Variants in NAALADL2 observed in about 807,000 individuals in gnomAD.
The protein encoded by NAALADL2 is inactive N-acetylated-alpha-linked acidic dipeptidase-like protein 2.
In NAALADL2, 76 loss-of-function variants were observed where a neutral mutation model predicts 87.2. The observed-to-expected ratio is 0.87, with a 90% CI of 0.72 to 1.05. The LOEUF (loss-of-function observed/expected upper bound fraction) is 1.05, where lower values mean the gene tolerates loss of function less well. Ranked by LOEUF, NAALADL2 falls within the 50% of genes least tolerant of loss-of-function variation. The probability of loss-of-function intolerance (pLI) is 0.00; values close to 1 mark genes in which losing one functional copy is unlikely to be tolerated. For synonymous variants in NAALADL2, 354 were observed against 331.0 expected (o/e 1.07, Z -0.75); for missense variants, 1,089 against 945.8 (o/e 1.15, Z -1.99).
chr3:174,501,034 A>AATTTT (rs112957244), intron 1 of NAALADL2, among the ~76,000 whole-genome samples: 96,537 of 143,826 alleles, frequency 0.67, 32,528 homozygotes, highest in East Asian at 0.89. Flanking sequence ...TATTGGATAA[A>AATTTT]ATTTTAATTT....
At chr3:174,803,530 A>G (rs762065013) in intron 3 of NAALADL2, among the ~76,000 whole-genome samples, 21 of 152,156 alleles carry the variant, frequency 1.4e-4, no homozygotes, top group Non-Finnish European at 1.3e-4. Flanking sequence ...TGTTTTAGTC[A>G]TGAAGTCTTT....
intron 2 of NAALADL2, among the ~76,000 whole-genome samples, chr3:175,210,760 G>T (rs895417926): frequency 6.6e-6 from 1 of 151,480 alleles, no homozygotes; most frequent in African/African-American, 2.4e-5. Flanking sequence ...GTAAAAAAAA[G>T]CATGGTTCCT....
chr3:175,236,389 A>T (rs1400041123), intron 3 of NAALADL2, among the ~76,000 whole-genome samples: 2 of 151,860 alleles, frequency 1.3e-5, no homozygotes, highest in African/African-American at 2.4e-5. Flanking sequence ...CTACTAAAAA[A>T]ATACAAAAAA....
intron 2 of NAALADL2, among the ~76,000 whole-genome samples, chr3:175,191,020 C>A (rs372403087): frequency 2.5e-4 from 38 of 149,344 alleles, no homozygotes; most frequent in Middle Eastern, 3.6e-3. Flanking sequence ...GTAACCAATA[C>A]GTAGAATGAA....
intron 2 of NAALADL2, among the ~76,000 whole-genome samples, chr3:175,202,504 C>A (rs1336041178): frequency 6.6e-6 from 1 of 152,100 alleles, no homozygotes; most frequent in Non-Finnish European, 1.5e-5. Context: ...AATAACTTTC[C>A]CACTGATCCA....
chr3:175,116,516 C>A (rs1389614747), intron 2 of NAALADL2, among the ~76,000 whole-genome samples: 1 of 151,948 alleles, frequency 6.6e-6, no homozygotes, highest in Non-Finnish European at 1.5e-5. Flanking sequence ...CCTAGGAATC[C>A]AACTTACAAG....
intron 9 of NAALADL2, among the ~76,000 whole-genome samples, chr3:175,488,090 T>G (rs533445832): frequency 1.4e-3 from 209 of 152,316 alleles, no homozygotes; most frequent in Non-Finnish European, 2.4e-3. Flanking sequence ...AGCTGAGATA[T>G]TCTCTTGTCA....
At chr3:174,515,042 A>T (rs1023110605) in intron 1 of NAALADL2, among the ~76,000 whole-genome samples, 1 of 152,172 alleles carries the variant, frequency 6.6e-6, no homozygotes, top group Admixed American at 6.5e-5. Context: ...ATATTTCAGA[A>T]ACGAAACAAA....
chr3:175,369,223 G>A (rs1766114932), intron 5 of NAALADL2, among the ~76,000 whole-genome samples: 1 of 152,046 alleles, frequency 6.6e-6, no homozygotes, highest in Admixed American at 6.5e-5. Context: ...GTATATATAT[G>A]TAGCAAGTAT....
chr3:174,915,580 T>C (rs116769433), intron 1 of NAALADL2, among the ~76,000 whole-genome samples: 1 of 152,078 alleles, frequency 6.6e-6, no homozygotes. Context: ...AATGTTATAT[T>C]CAGATTTATT....
At chr3:175,298,019 G>A (rs549180639) in intron 4 of NAALADL2, among the ~76,000 whole-genome samples, 7 of 152,026 alleles carry the variant, frequency 4.6e-5, no homozygotes, top group Non-Finnish European at 8.8e-5. Flanking sequence ...AACAATGCTT[G>A]GCATATAGGG....
intron 1 of NAALADL2, among the ~76,000 whole-genome samples, chr3:174,537,954 G>A (rs1177744211): frequency 6.6e-6 from 1 of 152,092 alleles, no homozygotes; most frequent in East Asian, 1.9e-4. Flanking sequence ...AGAGCTTTGT[G>A]AGCAAGAACC....
rs1413505412 is a variant in NAALADL2 at position 175,785,650 on chromosome 3, C to G, written c.2190-17355C>G. Among the ~76,000 whole-genome samples, 4 of 133,042 alleles carry G rather than the reference C, an allele frequency of 3.0e-5. No homozygotes were observed. In the Admixed American group the frequency reaches 3.1e-4, roughly 10 times the overall value. 87.3% of individuals were successfully genotyped at this position (133,042 alleles called of 152,430 possible). Reference sequence around the variant, plus strand: ...TACAGCACACTGATGGGTCTTGACTCTTTATCCAATTTGCCAGTCTGTGTC... The same window carrying G: ...TACAGCACACTGATGGGTCTTGACTGTTTATCCAATTTGCCAGTCTGTGTC... On this transcript the variant is annotated intron_variant, in intron 13 of 13. Transcript: ENST00000454872.
At chr3:175,629,602 A>G (rs1727483662) in intron 11 of NAALADL2, among the ~76,000 whole-genome samples, 1 of 151,688 alleles carries the variant, frequency 6.6e-6, no homozygotes, top group South Asian at 2.1e-4. Flanking sequence ...ACGAGAACAT[A>G]GAATGAAATG....
chr3:174,833,352 CT>C (rs1237638340), intron 3 of NAALADL2, among the ~76,000 whole-genome samples: 1 of 152,026 alleles, frequency 6.6e-6, no homozygotes, highest in African/African-American at 2.4e-5. Flanking sequence ...TCAATACTGA[CT>C]CATAAAGAGA....
chr3:174,910,861 G>A (rs1579481758), intron 1 of NAALADL2, among the ~76,000 whole-genome samples: 1 of 152,102 alleles, frequency 6.6e-6, no homozygotes, highest in African/African-American at 2.4e-5. Context: ...GCTATCCCAT[G>A]ACTATTGCCT....
At chr3:175,189,065 G>C (rs2109040589) in intron 2 of NAALADL2, among the ~76,000 whole-genome samples, 1 of 152,246 alleles carries the variant, frequency 6.6e-6, no homozygotes, top group South Asian at 2.1e-4. Flanking sequence ...CTTGGAGAGT[G>C]AATCTTCATC....
intron 5 of NAALADL2, among the ~76,000 whole-genome samples, chr3:175,337,886 C>A (rs979686280): frequency 1.3e-5 from 2 of 152,094 alleles, no homozygotes; most frequent in Non-Finnish European, 2.9e-5. Flanking sequence ...TGTAAGTAAC[C>A]TGTTTTGGTT....
intron 2 of NAALADL2, among the ~76,000 whole-genome samples, chr3:175,197,398 CT>C (rs1407161700): frequency 3.3e-5 from 5 of 151,834 alleles, no homozygotes; most frequent in Admixed American, 1.3e-4. Context: ...CATGACACAG[CT>C]TTTTTTCTAT....
Sources: allele counts gnomAD v4.1 joint callset (sites outside exome capture counted in the v4.1 genomes callset), GRCh38; gene constraint gnomAD v4.1.1; transcripts MANE v1.5; gene names NCBI Gene and HGNC (gene_info 2026-07-23, HGNC 2026-07-21).